The following NAV3 variants were observed in gnomAD, a reference collection of about 807,000 sequenced individuals.
NAV3 encodes neuron navigator 3, also known as pore membrane and/or filament interacting like protein 1.
NAV3 carries 87 observed loss-of-function variants against 244.7 expected under a neutral mutation model. The ratio of observed to expected loss-of-function variants is 0.36; its 90% CI spans 0.30 to 0.42. The LOEUF is 0.42. Among genes scored for constraint, NAV3 ranks in the 20% least tolerant of loss-of-function variants. The pLI is 1.00. For missense variants in NAV3, 2,663 were observed against 2,893.3 expected (o/e 0.92, Z 1.83); for synonymous variants, 1,126 against 1,042.2 (o/e 1.08, Z -1.55).
intron 20 of NAV3, 81 bp downstream of exon 20, chr12:78,140,415 A>G: frequency 8.5e-7 from 1 of 1,177,060 alleles, no homozygotes; most frequent in East Asian, 2.3e-5. Flanking sequence ...CTGTGAACAG[A>G]TCACATTCAT....
chr12:77,739,058 A>G (rs942837219), intron 2 of NAV3, among the ~76,000 whole-genome samples: 84 of 150,126 alleles, frequency 5.6e-4, no homozygotes, highest in African/African-American at 2.0e-3. Context: ...TTCTGGAACT[A>G]GACTTCTGTT....
chr12:78,146,738 C>T (rs770010918), intron 21 of NAV3, among the ~76,000 whole-genome samples: 2 of 152,070 alleles, frequency 1.3e-5, no homozygotes, highest in Non-Finnish European at 2.9e-5. Context: ...AGACCATCTA[C>T]ACAGGATAAT....
chr12:77,791,790 G>T (rs1256390378), intron 2 of NAV3, among the ~76,000 whole-genome samples: 1 of 152,200 alleles, frequency 6.6e-6, no homozygotes, highest in Non-Finnish European at 1.5e-5. Context: ...AACATTCACA[G>T]ACTATTTCTT....
At chr12:77,903,011 A>T (rs1885498538) in intron 1 of NAV3, among the ~76,000 whole-genome samples, 1 of 152,218 alleles carries the variant, frequency 6.6e-6, no homozygotes. Context: ...AACAAATGGA[A>T]GCACATTCCA....
chr12:77,983,228 G>A (rs1384488233), intron 5 of NAV3, among the ~76,000 whole-genome samples: 1 of 152,162 alleles, frequency 6.6e-6, no homozygotes, highest in Non-Finnish European at 1.5e-5. Context: ...TGGTGACAGG[G>A]TAGAGAAAGA....
At chr12:78,107,166 A>G (rs1428722888) in intron 12 of NAV3, among the ~76,000 whole-genome samples, 2 of 152,236 alleles carry the variant, frequency 1.3e-5, no homozygotes, top group African/African-American at 2.4e-5. Context: ...AAAGAATCTC[A>G]GAAGGTAAAG....
intron 7 of NAV3, among the ~76,000 whole-genome samples, chr12:78,002,108 T>A (rs1426875646): frequency 6.6e-6 from 1 of 152,222 alleles, no homozygotes; most frequent in Admixed American, 6.5e-5. Flanking sequence ...TAAGAAATCA[T>A]TCTTTTGTTT....
At chr12:77,842,234 C>A (rs1875790544) in intron 1 of NAV3, among the ~76,000 whole-genome samples, 1 of 152,028 alleles carries the variant, frequency 6.6e-6, no homozygotes, top group Non-Finnish European at 1.5e-5. Flanking sequence ...AAAAGTAGAC[C>A]AGGTCCAGAT....
intron 1 of NAV3, among the ~76,000 whole-genome samples, chr12:77,910,000 G>A (rs1036724437): frequency 4.6e-5 from 7 of 151,970 alleles, no homozygotes; most frequent in African/African-American, 1.2e-4. Flanking sequence ...CTAATATTTC[G>A]ATGTTAAGAT....
chr12:78,127,047 G>A (rs1593695821), intron 16 of NAV3, 120 bp from the exon 17 acceptor site: 6 of 849,010 alleles, frequency 7.1e-6, no homozygotes, highest in Non-Finnish European at 9.3e-6. Context: ...AATGAGTTAA[G>A]CATTATATGT....
intron 2 of NAV3, among the ~76,000 whole-genome samples, chr12:77,712,661 G>C (rs2137257673): frequency 6.6e-6 from 1 of 152,212 alleles, no homozygotes; most frequent in East Asian, 1.9e-4. Context: ...GATAACTGCA[G>C]TAAGTCCCCA....
At chr12:77,831,745 T>C in intron 1 of NAV3, 41 bp downstream of exon 1, 1 of 1,548,022 alleles carries the variant, frequency 6.5e-7, no homozygotes, top group Non-Finnish European at 8.7e-7. Context: ...GTAGCTAAAA[T>C]GCACATTTCT....
At chr12:78,001,543 G>A (rs533292725) in intron 7 of NAV3, among the ~76,000 whole-genome samples, 1 of 152,248 alleles carries the variant, frequency 6.6e-6, no homozygotes, top group African/African-American at 2.4e-5. Context: ...TGTATGATTT[G>A]TAAAACAAAT....
At chr12:77,692,350 C>T (rs898950244) in intron 2 of NAV3, among the ~76,000 whole-genome samples, 12 of 151,786 alleles carry the variant, frequency 7.9e-5, no homozygotes, top group Non-Finnish European at 1.8e-4. Flanking sequence ...AGACCAGGAC[C>T]CAAACACCTT....
chr12:78,161,400 T>C (rs1957539937), intron 23 of NAV3, among the ~76,000 whole-genome samples: 1 of 152,112 alleles, frequency 6.6e-6, no homozygotes, highest in African/African-American at 2.4e-5. Flanking sequence ...TCTCAATATC[T>C]TTAATAAGTC....
chr12:77,857,705 AATG>A (rs1442659186), intron 1 of NAV3, among the ~76,000 whole-genome samples: 1 of 151,938 alleles, frequency 6.6e-6, no homozygotes, highest in Non-Finnish European at 1.5e-5. Context: ...CAAAAGAATT[AATG>A]ATATTTTAAT....
chr12:78,176,603 AT>A (rs939035359), intron 26 of NAV3, 144 bp downstream of exon 26: 3 of 804,304 alleles, frequency 3.7e-6, no homozygotes, highest in Non-Finnish European at 5.8e-6. Context: ...TTTCATTTTA[AT>A]CTCAAATTTT....
At position 78,210,873 on chromosome 12, in the gene NAV3, G is replaced by A. The variant is rs533019776; in HGVS notation, c.*356G>A. 105 of 229,712 alleles carry A rather than the reference G, an allele frequency of 4.6e-4. No individual in the cohort carries two copies. The highest frequency in any genetic ancestry group is 8.0e-4 in the Non-Finnish European group (93 of 116,848). The allele number at this position is 229,712 out of a possible 1,614,324, so 14.2% of individuals were successfully genotyped here. A position where few individuals can be genotyped will look rare whatever the true frequency, so the allele number is the denominator to read the frequency against. ...AAGTTTACAATGCAGACCATTTTTTGTCCCTTCCTTTTGTTTCCTCTGAGG... is the reference window on the plus strand; with the variant it reads ...AAGTTTACAATGCAGACCATTTTTTATCCCTTCCTTTTGTTTCCTCTGAGG... On this transcript the variant is annotated 3_prime_UTR_variant, in exon 40 of 40. Transcript: ENST00000397909.
chr12:77,994,796 C>T lies in NAV3; in HGVS notation c.672-7C>T, dbSNP rs375268321. On this transcript the variant is annotated splice_polypyrimidine_tract_variant and splice_region_variant and intron_variant, in intron 5 of 39. Coordinates refer to ENST00000397909, the MANE Select transcript of NAV3 (RefSeq NM_001024383.2). ...TTAATTCAATTTCTCTGTTTCTCCT[C>T]ATACAGTCTGGCAGCCAGATATGCA... 3 of 1,606,306 alleles carry T rather than the reference C, an allele frequency of 1.9e-6. No homozygotes were observed. Among genetic ancestry groups the T allele is most frequent in the Non-Finnish European group, 2.6e-6 (3 of 1,176,434 alleles).
Sources: allele counts gnomAD v4.1 joint callset (sites outside exome capture counted in the v4.1 genomes callset), GRCh38; gene constraint gnomAD v4.1.1; transcripts MANE v1.5; gene names NCBI Gene and HGNC (gene_info 2026-07-23, HGNC 2026-07-21).